Variants in FXN observed in about 807,000 individuals in gnomAD.
The protein encoded by FXN is frataxin, mitochondrial.
Under a neutral mutation model 22.4 loss-of-function variants are expected in FXN, and 14 were observed. That is an observed-to-expected ratio of 0.62 (90% CI 0.41 to 0.98). The LOEUF (loss-of-function observed/expected upper bound fraction) is 0.98, where lower values mean the gene tolerates loss of function less well. FXN is among the 50% of genes least tolerant of loss of function. The probability of loss-of-function intolerance (pLI) is 0.00; values close to 1 mark genes in which losing one functional copy is unlikely to be tolerated. For missense variants in FXN, 267 were observed against 268.4 expected, an observed-to-expected ratio of 0.99 and a Z score of 0.04; for synonymous variants, 120 against 114.1, an observed-to-expected ratio of 1.05 and a Z score of -0.33.
At position 69,074,778 on chromosome 9, in the gene FXN, CA is replaced by C; in HGVS notation, c.*2020del. The C allele has an allele frequency of 1.1e-6, 1 of 916,566 alleles. No homozygotes were observed. Among genetic ancestry groups the C allele is most frequent in the Non-Finnish European group, 1.3e-6 (1 of 767,520 alleles). The allele number at this position is 916,566 out of a possible 1,614,324, so 56.8% of individuals were successfully genotyped here. On this transcript the variant is annotated 3_prime_UTR_variant, in exon 5 of 5. Transcript: ENST00000484259. ...CCTATTAATAATAAAACAGTATAAA[CA>C]AAAGCTAAATAGGTAAAATATTTTT...
At chr9:69,071,208 C>T (rs550182249) in intron 4 of FXN, 5 of 518,876 alleles carry the variant, frequency 9.6e-6, no homozygotes, top group East Asian at 5.4e-5. Flanking sequence ...GCCAAGGGGA[C>T]GGTCCTTGGG....
At chr9:69,058,716 G>A (rs1832008692) in intron 3 of FXN, among the ~76,000 whole-genome samples, 1 of 152,158 alleles carries the variant, frequency 6.6e-6, no homozygotes. Flanking sequence ...TGTGCCACGT[G>A]GTTGGAGAGG....
At chr9:69,054,640 G>A (rs560247985) in intron 3 of FXN, among the ~76,000 whole-genome samples, 2 of 152,180 alleles carry the variant, frequency 1.3e-5, no homozygotes, top group East Asian at 3.9e-4. Context: ...CCAAGTAGCT[G>A]GAATTATAGG....
At chr9:69,065,074 T>A in intron 4 of FXN, 39 bp downstream of exon 4, 1 of 1,472,976 alleles carries the variant, frequency 6.8e-7, no homozygotes, top group Non-Finnish European at 9.5e-7. Flanking sequence ...ATGTAATTCT[T>A]AAAGACTTCC....
rs1384835969 is a variant in FXN at position 69,035,829 on chromosome 9, C to A, written c.47C>A (p.Pro16His). Residue 16 changes from proline (P) to histidine (H), a missense_variant, in exon 1 of 5, where the codon CCC becomes CAC. By Grantham distance (77) the Pro-to-His change is moderately conservative (BLOSUM62 -2). Transcript: ENST00000484259. ...RRAVAGLLAS[P>H]SPAQAQTLTR... ...GCAGTAGCCGGCCTCCTGGCGTCACCCAGCCCAGCCCAGGCCCAGACCCTC... is the reference window on the plus strand; with the variant it reads ...GCAGTAGCCGGCCTCCTGGCGTCACACAGCCCAGCCCAGGCCCAGACCCTC... The A allele has an allele frequency of 6.6e-7, 1 of 1,513,170 alleles. No homozygotes were observed. The highest frequency in any genetic ancestry group is 1.2e-5 in the South Asian group (1 of 81,578). 93.7% of individuals were successfully genotyped at this position (1,513,170 alleles called of 1,614,324 possible). A position where few individuals can be genotyped will look rare whatever the true frequency, so the allele number is the denominator to read the frequency against.
At chr9:69,056,795 T>C (rs9775387) in intron 3 of FXN, among the ~76,000 whole-genome samples, 11,245 of 138,634 alleles carry the variant, frequency 0.081, 831 homozygotes, top group African/African-American at 0.15. Flanking sequence ...CAGGCTGGAG[T>C]GTAGTGGTGT....
intron 4 of FXN, chr9:69,071,133 T>C (rs1168445495): frequency 1.9e-6 from 1 of 516,518 alleles, no homozygotes; most frequent in Non-Finnish European, 3.9e-6. Context: ...CCTCAGGCAG[T>C]GTGGAGGGGT....
At chr9:69,053,732 C>A (rs868044581) in intron 3 of FXN, among the ~76,000 whole-genome samples, 1 of 152,260 alleles carries the variant, frequency 6.6e-6, no homozygotes, top group Middle Eastern at 3.4e-3. Flanking sequence ...GAGGGAACAA[C>A]AAACTAGACC....
At chr9:69,057,503 A>G (rs1175404424) in intron 3 of FXN, among the ~76,000 whole-genome samples, 1 of 152,178 alleles carries the variant, frequency 6.6e-6, no homozygotes, top group Non-Finnish European at 1.5e-5. Context: ...AATTATTTCT[A>G]ACAAATCATT....
intron 4 of FXN, among the ~76,000 whole-genome samples, chr9:69,067,818 CTG>C (rs61159626): frequency 1.5e-3 from 233 of 152,268 alleles, no homozygotes; most frequent in African/African-American, 5.5e-3. Flanking sequence ...TCAGAGGTCT[CTG>C]TATTGGAGGG....
chr9:69,035,914 C>G lies in FXN; in HGVS notation c.132C>G (p.Thr44=). 1.3e-6 allele frequency: 2 copies of G among 1,486,412 alleles called. No individual in the cohort carries two copies. Among genetic ancestry groups the G allele is most frequent in the Non-Finnish European group, 1.8e-6 (2 of 1,124,772 alleles). 92.1% of individuals were successfully genotyped at this position (1,486,412 alleles called of 1,614,324 possible). Residue 44 remains threonine, a synonymous_variant, in exon 1 of 5, where the codon ACC becomes ACG. Coordinates refer to ENST00000484259, the MANE Select transcript of FXN (RefSeq NM_000144.5). Reference sequence around the variant, plus strand: ...TCTGCGGCCGCCGTGGCCTGCGCACCGACATCGATGCGACCTGCACGCCCC... The same window carrying G: ...TCTGCGGCCGCCGTGGCCTGCGCACGGACATCGATGCGACCTGCACGCCCC... ...APLCGRRGLR[T]DIDATCTPRR...
rs973010099 is a variant in FXN, at chr9:69,077,387, T to C, written c.*4625T>C. On this transcript the variant is annotated 3_prime_UTR_variant, in exon 5 of 5. Coordinates refer to ENST00000484259, the MANE Select transcript of FXN (RefSeq NM_000144.5). Reference sequence around the variant, plus strand: ...TGTTCCATCTTCTCTGGCTGTATAGTTTAAGGAATGGAAGGCACCAGAACA... The same window carrying C: ...TGTTCCATCTTCTCTGGCTGTATAGCTTAAGGAATGGAAGGCACCAGAACA... The C allele has an allele frequency of 2.0e-6, 2 of 985,288 alleles. No homozygotes were observed. Among genetic ancestry groups the C allele is most frequent in the Admixed American group, 1.2e-4 (2 of 16,256 alleles). 61.0% of individuals were successfully genotyped at this position (985,288 alleles called of 1,614,324 possible).
intron 1 of FXN, among the ~76,000 whole-genome samples, chr9:69,045,943 T>C (rs1180463972): frequency 6.6e-6 from 1 of 152,194 alleles, no homozygotes; most frequent in Non-Finnish European, 1.5e-5. Context: ...CAAGTGGGCA[T>C]GCTTTCAGTA....
At chr9:69,062,258 C>G (rs1013838263) in intron 3 of FXN, among the ~76,000 whole-genome samples, 1 of 152,004 alleles carries the variant, frequency 6.6e-6, no homozygotes, top group African/African-American at 2.4e-5. Context: ...ACTATAGGTG[C>G]GCACCACCAC....
rs1359522192 is a variant in FXN at position 69,075,569 on chromosome 9, C to G, written c.*2807C>G. 1.0e-6 allele frequency: 1 copy of G among 985,038 alleles called. No individual in the cohort carries two copies. The highest frequency in any genetic ancestry group is 1.7e-5 in the African/African-American group (1 of 57,182). The allele number at this position is 985,038 out of a possible 1,614,324, so 61.0% of individuals were successfully genotyped here. Reference sequence around the variant, plus strand: ...ACTGGAAAAGTACCACTGTGTGTACCAATAGCCTCCCCACCACAGACCCTG... The same window carrying G: ...ACTGGAAAAGTACCACTGTGTGTACGAATAGCCTCCCCACCACAGACCCTG... On this transcript the variant is annotated 3_prime_UTR_variant, in exon 5 of 5. Transcript: ENST00000484259.
chr9:69,064,085 C>A (rs1258647537), intron 3 of FXN, among the ~76,000 whole-genome samples: 1 of 152,174 alleles, frequency 6.6e-6, no homozygotes, highest in African/African-American at 2.4e-5. Context: ...CACCGTGTAT[C>A]TCTGCAAGTC....
Position 69,076,823 on chromosome 9 carries a change from G to A in FXN, c.*4061G>A. The A allele has an allele frequency of 6.1e-6, 6 of 985,468 alleles. No homozygotes were observed. The highest frequency in any genetic ancestry group is 7.2e-6 in the Non-Finnish European group (6 of 829,968). 61.0% of individuals were successfully genotyped at this position (985,468 alleles called of 1,614,324 possible). A position where few individuals can be genotyped will look rare whatever the true frequency, so the allele number is the denominator to read the frequency against. ...ACTAAAACAGCTACATGCCAGCAAG[G>A]GAGAAAGGGGAAGGAGGGGCAAAGT... is the stretch of plus-strand genomic sequence containing the variant. On this transcript the variant is annotated 3_prime_UTR_variant, in exon 5 of 5. Transcript: ENST00000484259.
chr9:69,036,086 C>A (rs1288203255), intron 1 of FXN, 139 bp downstream of exon 1: 3 of 720,568 alleles, frequency 4.2e-6, no homozygotes, highest in Non-Finnish European at 5.6e-6. Flanking sequence ...CTTCTCAGGG[C>A]GGCCCGGCGG....
Position 69,065,013 on chromosome 9 carries a change from A to G in FXN, c.460A>G (p.Ile154Val), listed in dbSNP as rs104894106. 1.2e-6 allele frequency: 2 copies of G among 1,613,788 alleles called. No homozygotes were observed. Among genetic ancestry groups the G allele is most frequent in the Non-Finnish European group, 1.7e-6 (2 of 1,179,824 alleles). The change falls in exon 4 of 5, where the codon ATC becomes GTC. Residue 154 changes from isoleucine to valine, a missense_variant. Ile to Val is a conservative substitution (Grantham distance 29, BLOSUM62 3). Coordinates refer to ENST00000484259, the MANE Select transcript of FXN (RefSeq NM_000144.5). ...VINKQTPNKQ[I>V]WLSSPSSGPK... ...CAACAAGCAGACGCCAAACAAGCAA[A>G]TCTGGCTATCTTCTCCATCCAGGTA... is the stretch of plus-strand genomic sequence containing the variant.
Sources: gnomAD v4.1 joint callset for allele counts (sites outside exome capture counted in the v4.1 genomes callset) on GRCh38, gnomAD v4.1.1 for gene constraint, MANE v1.5 for transcripts, NCBI Gene and HGNC (gene_info 2026-07-23, HGNC 2026-07-21) for gene names.